ATXN3: variants seen among roughly 807,000 people sequenced by gnomAD.
ATXN3 encodes ataxin 3.
ATXN3 carries 28 observed loss-of-function variants against 58.2 expected under a neutral mutation model. That is an observed-to-expected ratio of 0.48 (90% CI 0.36 to 0.66). The LOEUF (loss-of-function observed/expected upper bound fraction) is 0.66, where lower values mean the gene tolerates loss of function less well. Ranked by LOEUF, ATXN3 falls within the 30% of genes least tolerant of loss-of-function variation. The pLI, the probability that ATXN3 is intolerant of heterozygous loss-of-function variation, is 0.00. For missense variants in ATXN3, 321 were observed against 422.1 expected (o/e 0.76, Z 2.10); for synonymous variants, 113 against 138.5 (o/e 0.82, Z 1.29).
chr14:92,090,985 G>A (rs1209002461), intron 5 of ATXN3, among the ~76,000 whole-genome samples: 3 of 122,188 alleles, frequency 2.5e-5, no homozygotes, highest in Non-Finnish European at 4.7e-5. Flanking sequence ...AGGTGTCACT[G>A]TGTTGGGCCA....
chr14:92,071,256 T>C (rs1189347073), intron 9 of ATXN3: 2 of 893,364 alleles, frequency 2.2e-6, no homozygotes, highest in Non-Finnish European at 3.5e-6. Context: ...AGACATAAAA[T>C]TTAAATTTAT....
At chr14:92,072,564 A>T (rs1300181278) in intron 9 of ATXN3, among the ~76,000 whole-genome samples, 1 of 152,168 alleles carries the variant, frequency 6.6e-6, no homozygotes, top group Non-Finnish European at 1.5e-5. Context: ...CCCAAATCTA[A>T]AACACTTCCA....
chr14:92,070,837 A>T, intron 10 of ATXN3, 98 bp downstream of exon 10: 3 of 1,607,140 alleles, frequency 1.9e-6, no homozygotes, highest in Non-Finnish European at 2.5e-6. Flanking sequence ...ATGATTAAAG[A>T]GGGAATGAAG....
chr14:92,095,325 C>T (rs535903212), intron 3 of ATXN3, among the ~76,000 whole-genome samples: 1 of 152,172 alleles, frequency 6.6e-6, no homozygotes, highest in South Asian at 2.1e-4. Context: ...CTCACTGCAA[C>T]CTACGACTCC....
chr14:92,081,498 A>T, intron 8 of ATXN3, among the ~76,000 whole-genome samples: 1 of 151,432 alleles, frequency 6.6e-6, no homozygotes, highest in Non-Finnish European at 1.5e-5. Context: ...AAAGAAAAAA[A>T]AAAAAGAAAG....
chr14:92,086,322 G>GC (rs1454186421), intron 6 of ATXN3, among the ~76,000 whole-genome samples: 1 of 78,592 alleles, frequency 1.3e-5, no homozygotes, highest in Non-Finnish European at 2.6e-5. Flanking sequence ...CAGCACTTTA[G>GC]GGGGCCGAGG....
At chr14:92,096,398 G>A (rs1401540506) in intron 2 of ATXN3, 4 of 1,106,600 alleles carry the variant, frequency 3.6e-6, no homozygotes, top group Non-Finnish European at 5.0e-6. Context: ...GCCAAGACAG[G>A]TGGATCATAA....
At chr14:92,053,001 C>T (rs768813698), upstream of ATXN3, among the ~76,000 whole-genome samples, 33 of 152,152 alleles carry the variant, frequency 2.2e-4, no homozygotes, top group Non-Finnish European at 4.6e-4. Context: ...CCTGTAATCC[C>T]AGCACTTTGG....
intron 6 of ATXN3, among the ~76,000 whole-genome samples, chr14:92,088,194 G>A (rs56262081): frequency 0.017 from 2,565 of 151,728 alleles, 25 homozygotes; most frequent in South Asian, 0.027. Context: ...TCAGCCTCCC[G>A]AGTAGCTCGG....
chr14:92,096,503 A>T, intron 2 of ATXN3, 171 bp downstream of exon 2: 3 of 773,982 alleles, frequency 3.9e-6, no homozygotes, highest in Non-Finnish European at 6.1e-6. Flanking sequence ...GTGTGCCTGT[A>T]ATCCCAGCTA....
chr14:92,057,405 C>A (rs2057481103), downstream of ATXN3, among the ~76,000 whole-genome samples: 1 of 136,892 alleles, frequency 7.3e-6, no homozygotes, highest in South Asian at 2.4e-4. Flanking sequence ...CAGCGAAGCT[C>A]TGTCTTAAAC....
intron 6 of ATXN3, chr14:92,083,551 T>C: frequency 1.0e-5 from 5 of 492,158 alleles, no homozygotes; most frequent in South Asian, 8.1e-5. Flanking sequence ...ATATAGTACT[T>C]GACTGAGCAG....
At chr14:92,067,679 G>A (rs1011441023) in intron 10 of ATXN3, among the ~76,000 whole-genome samples, 1 of 152,254 alleles carries the variant, frequency 6.6e-6, no homozygotes, top group African/African-American at 2.4e-5. Context: ...TTACAGGTGT[G>A]AGCCACCATG....
chr14:92,093,055 A>C (rs979512054), intron 5 of ATXN3, among the ~76,000 whole-genome samples, 197 bp downstream of exon 5: 3 of 132,802 alleles, frequency 2.3e-5, no homozygotes, highest in Admixed American at 2.2e-4. Context: ...ATTTATTTTT[A>C]TTTTTATTTT....
downstream of ATXN3, among the ~76,000 whole-genome samples, chr14:92,057,315 C>G (rs2057479346): frequency 6.6e-6 from 1 of 152,096 alleles, no homozygotes; most frequent in African/African-American, 2.4e-5. Context: ...ACTCAGGAGG[C>G]TGAGGCAGGA....
chr14:92,086,444 A>G (rs1411742489), intron 6 of ATXN3, among the ~76,000 whole-genome samples: 1 of 151,852 alleles, frequency 6.6e-6, no homozygotes, highest in Non-Finnish European at 1.5e-5. Flanking sequence ...ACATGCCTGT[A>G]AATCCAGCTA....
Position 92,099,728 on chromosome 14 carries a change from C to T in ATXN3, c.25-2890G>A, listed in dbSNP as rs1423377235. Among the ~76,000 whole-genome samples the T allele has an allele frequency of 3.3e-5, 5 of 152,038 alleles. No individual in the cohort carries two copies. The South Asian group carries it at 6.2e-4, about 19-fold the overall frequency. ...TACAAAAAATAAAAAATTAACTGAG[C>T]ATGGTGGTGCGTGCTTGTAGTCCAG... On this transcript the variant is annotated intron_variant, in intron 1 of 10. Coordinates refer to ENST00000644486, the MANE Select transcript of ATXN3 (RefSeq NM_004993.6).
At chr14:92,080,926 T>G (rs1474678242) in intron 9 of ATXN3, 39 bp downstream of exon 9, 1 of 1,448,490 alleles carries the variant, frequency 6.9e-7, no homozygotes, top group South Asian at 1.2e-5. Context: ...CCAAAGCAAA[T>G]ATTAAACATG....
chr14:92,096,395 C>T, intron 2 of ATXN3: 1 of 1,114,214 alleles, frequency 9.0e-7, no homozygotes, highest in Non-Finnish European at 1.2e-6. Context: ...GAGGCCAAGA[C>T]AGGTGGATCA....
Sources: gnomAD v4.1 joint callset for allele counts (sites outside exome capture counted in the v4.1 genomes callset) on GRCh38, gnomAD v4.1.1 for gene constraint, MANE v1.5 for transcripts, NCBI Gene and HGNC (gene_info 2026-07-23, HGNC 2026-07-21) for gene names.